Variants in LIF observed in about 807,000 individuals in gnomAD.
LIF encodes the protein leukemia inhibitory factor.
In LIF, 9 loss-of-function variants were observed where a neutral mutation model predicts 15.0. That is an observed-to-expected ratio of 0.60 (90% confidence interval 0.36 to 1.04). The LOEUF (loss-of-function observed/expected upper bound fraction) is 1.04, where lower values mean the gene tolerates loss of function less well. Ranked by LOEUF, LIF falls within the 50% of genes least tolerant of loss-of-function variation. LIF has a pLI of 0.01. For synonymous variants in LIF, 122 were observed against 119.7 expected (o/e 1.02, Z -0.13); for missense variants, 240 against 266.7 (o/e 0.90, Z 0.70).
Position 30,244,855 on chromosome 22 carries a change from G to A in LIF, c.98C>T (p.Thr33Ile), listed in dbSNP as rs1324087627. The A allele has an allele frequency of 1.9e-6, 3 of 1,614,214 alleles. No homozygotes were observed. Among genetic ancestry groups the A allele is most frequent in the Non-Finnish European group, 2.5e-6 (3 of 1,180,012 alleles). ...SPLPITPVNA[T>I]CAIRHPCHNN... is the part of the protein sequence containing the mutation. ...GTGACATGGGTGGCGTATGGCACAG[G>A]TGGCGTTGACAGGGGTGATGGGGAG... The change falls in exon 2 of 3, where the codon ACC becomes ATC. Residue 33 changes from threonine (T) to isoleucine (I), a missense_variant. Transcript: ENST00000249075.
rs1052911794 is a variant in LIF at position 30,243,836 on chromosome 22, C to T, written c.424G>A (p.Asp142Asn). ...SLHSKLNATA[D>N]ILRGLLSNVL... Reference sequence around the variant, plus strand: ...TTGCTAAGGAGGCCTCGCAGGATGTCGGCGGTGGCGTTGAGCTTGCTGTGG... The same window carrying T: ...TTGCTAAGGAGGCCTCGCAGGATGTTGGCGGTGGCGTTGAGCTTGCTGTGG... The change falls in exon 3 of 3, where the codon GAC becomes AAC. Residue 142 changes from aspartate (D) to asparagine (N), a missense_variant. Transcript: ENST00000249075. The surrounding 1 kb of genome is among the most constrained non-coding windows in gnomAD (Gnocchi z 6.0). The T allele has an allele frequency of 5.6e-6, 9 of 1,614,094 alleles. No homozygotes were observed. The highest frequency in any genetic ancestry group is 5.3e-5 in the African/African-American group (4 of 74,916).
intron 1 of LIF, among the ~76,000 whole-genome samples, chr22:30,245,330 A>G (rs1928842389): frequency 6.6e-6 from 1 of 150,800 alleles, no homozygotes; most frequent in Non-Finnish European, 1.5e-5. Context: ...GAGAAAGGAG[A>G]CCCCTCTCTT....
rs2123834304 is a variant in LIF at position 30,244,838 on chromosome 22, G to T, written c.115C>A (p.Pro39Thr). Residue 39 changes from proline to threonine, a missense_variant, in exon 2 of 3, where the codon CCA becomes ACA. Coordinates refer to ENST00000249075, the MANE Select transcript of LIF (RefSeq NM_002309.5). Reference sequence around the variant, plus strand: ...TGGTTCATGAGGTTGTTGTGACATGGGTGGCGTATGGCACAGGTGGCGTTG... The same window carrying T: ...TGGTTCATGAGGTTGTTGTGACATGTGTGGCGTATGGCACAGGTGGCGTTG... Reference protein sequence around the residue: ...PVNATCAIRHPCHNNLMNQIR... With the variant: ...PVNATCAIRHTCHNNLMNQIR... The T allele has an allele frequency of 6.2e-7, 1 of 1,614,136 alleles. No homozygotes were observed. The highest frequency in any genetic ancestry group is 2.2e-5 in the East Asian group (1 of 44,878).
At position 30,241,033 on chromosome 22, in the gene LIF, TG is replaced by T. The variant is rs1239015824; in HGVS notation, c.*2617del. On this transcript the variant is annotated 3_prime_UTR_variant, in exon 3 of 3. Transcript: ENST00000249075. This position sits in a 1 kb window ranked among gnomAD's most constrained non-coding sequence, Gnocchi z 4.4. The stretch of plus-strand genomic sequence containing the variant: ...CTCTTCCTCCGGCCAGGCCCAGGTG[TG>T]GTCCACACCAGCAGATAAAAAGGGA... The T allele has an allele frequency of 6.6e-6, 1 of 152,234 alleles. No individual in the cohort carries two copies. The highest frequency in any genetic ancestry group is 6.5e-5 in the Admixed American group (1 of 15,282). 9.4% of individuals were successfully genotyped at this position (152,234 alleles called of 1,614,324 possible). A position where few individuals can be genotyped will look rare whatever the true frequency, so the allele number is the denominator to read the frequency against.
chr22:30,243,492 C>T lies in LIF; in HGVS notation c.*159G>A. 1.2e-6 allele frequency: 1 copy of T among 811,548 alleles called. No homozygotes were observed. The highest frequency in any genetic ancestry group is 2.1e-6 in the Non-Finnish European group (1 of 487,450). The allele number at this position is 811,548 out of a possible 1,614,324, so 50.3% of individuals were successfully genotyped here. A position where few individuals can be genotyped will look rare whatever the true frequency, so the allele number is the denominator to read the frequency against. Reference sequence around the variant, plus strand: ...TCTGCTCAGCTTCATCACAGCCCAGCCCAGAGTGGAGTGGACTGGCCAGGC... The same window carrying T: ...TCTGCTCAGCTTCATCACAGCCCAGTCCAGAGTGGAGTGGACTGGCCAGGC... On this transcript the variant is annotated 3_prime_UTR_variant, in exon 3 of 3. Transcript: ENST00000249075. The surrounding 1 kb of genome is among the most constrained non-coding windows in gnomAD (Gnocchi z 6.0).
Position 30,243,475 on chromosome 22 carries a change from G to A in LIF, c.*176C>T. On this transcript the variant is annotated 3_prime_UTR_variant, in exon 3 of 3. Coordinates refer to ENST00000249075, the MANE Select transcript of LIF (RefSeq NM_002309.5). The surrounding 1 kb of genome is among the most constrained non-coding windows in gnomAD (Gnocchi z 6.0). ...CCTATGGAAGTTTCCACTCTGCTCA[G>A]CTTCATCACAGCCCAGCCCAGAGTG... 1 of 717,206 alleles carries A rather than the reference G, an allele frequency of 1.4e-6. No individual in the cohort carries two copies. Among genetic ancestry groups the A allele is most frequent in the South Asian group, 1.6e-5 (1 of 60,896 alleles). 44.4% of individuals were successfully genotyped at this position (717,206 alleles called of 1,614,324 possible). A position where few individuals can be genotyped will look rare whatever the true frequency, so the allele number is the denominator to read the frequency against.
chr22:30,245,062 A>C, intron 1 of LIF, 129 bp from the exon 2 acceptor site: 1 of 831,106 alleles, frequency 1.2e-6, no homozygotes, highest in South Asian at 1.4e-5. Context: ...CACCACCTGC[A>C]GCTGTCTTCC....
rs41281637 is a variant in LIF at position 30,244,004 on chromosome 22, C to T, written c.256G>A (p.Val86Met). The change falls in exon 3 of 3, where the codon GTG becomes ATG. Residue 86 changes from valine (V) to methionine (M), a missense_variant. By Grantham distance (21) the Val-to-Met change is conservative. Transcript: ENST00000249075. ...NNLDKLCGPN[V>M]TDFPPFHANG... The stretch of plus-strand genomic sequence containing the variant: ...GCGTGGAAGGGCGGGAAGTCCGTCA[C>T]GTTGGGGCCACATAGCTTGTCCAGG... 6.6e-3 allele frequency: 10,667 copies of T among 1,613,556 alleles called. 46 individuals are homozygous for T. The highest frequency in any genetic ancestry group is 0.013 in the Middle Eastern group (78 of 6,062).
At chr22:30,245,001 C>G in intron 1 of LIF, 68 bp from the exon 2 acceptor site, 4 of 1,502,162 alleles carry the variant, frequency 2.7e-6, no homozygotes, top group Non-Finnish European at 3.7e-6. Flanking sequence ...CATGGCACAC[C>G]GGATGGGGGT....
In LIF at chr22:30,246,748, TCA is replaced by T. The variant is rs780631044; in HGVS notation, c.-55_-54del. 6 of 1,545,078 alleles carry T rather than the reference TCA, an allele frequency of 3.9e-6. No individual in the cohort carries two copies. The South Asian group carries it at 6.0e-5, about 15-fold the overall frequency. On this transcript the variant is annotated 5_prime_UTR_variant, in exon 1 of 3. An upstream open reading frame in the 5' UTR loses its in-frame stop. Transcript: ENST00000249075. The stretch of plus-strand genomic sequence containing the variant: ...AGGAAACCTCAGATGCCGGCAGTTT[TCA>T]GAGGTTCATGCTCAAATGGGGAATT...
Position 30,242,916 on chromosome 22 carries a change from A to G in LIF, c.*735T>C, listed in dbSNP as rs1928727349. ...CCAGCCATCAGACCCTGGCCATCCC[A>G]GGCTGCAGGGAAGATCACGGGGAAG... On this transcript the variant is annotated 3_prime_UTR_variant, in exon 3 of 3. Transcript: ENST00000249075. 1 of 154,370 alleles carries G rather than the reference A, an allele frequency of 6.5e-6. No individual in the cohort carries two copies. Among genetic ancestry groups the G allele is most frequent in the African/African-American group, 2.4e-5 (1 of 41,436 alleles). 9.6% of individuals were successfully genotyped at this position (154,370 alleles called of 1,614,324 possible).
chr22:30,246,514 C>T (rs1928900968), intron 1 of LIF, 163 bp downstream of exon 1: 2 of 1,290,612 alleles, frequency 1.5e-6, no homozygotes, highest in Non-Finnish European at 2.0e-6. Context: ...TGTGCCCGCG[C>T]TCGCTCCGGG....
Position 30,243,429 on chromosome 22 carries a change from G to A in LIF, c.*222C>T, listed in dbSNP as rs1197901108. ...AGTCCACAATCTCCCAGAGGAAGGG[G>A]CACCTTCTTCTAGCTCCCTCCCTAT... On this transcript the variant is annotated 3_prime_UTR_variant, in exon 3 of 3. Transcript: ENST00000249075. This position sits in a 1 kb window ranked among gnomAD's most constrained non-coding sequence, Gnocchi z 6.0. 3.3e-6 allele frequency: 2 copies of A among 607,240 alleles called. No homozygotes were observed. The highest frequency in any genetic ancestry group is 5.8e-6 in the Non-Finnish European group (2 of 342,776). The allele number at this position is 607,240 out of a possible 1,614,324, so 37.6% of individuals were successfully genotyped here.
chr22:30,245,296 G>T (rs1928841474), intron 1 of LIF, among the ~76,000 whole-genome samples: 1 of 152,178 alleles, frequency 6.6e-6, no homozygotes. Flanking sequence ...GAAGGCACCA[G>T]GCCCCAGGCC....
chr22:30,244,558 TG>T (rs1928801321), intron 2 of LIF, among the ~76,000 whole-genome samples, 196 bp downstream of exon 2: 1 of 152,222 alleles, frequency 6.6e-6, no homozygotes, highest in African/African-American at 2.4e-5. Flanking sequence ...CCTTGCTAAC[TG>T]GGCACCCTGG....
At position 30,241,012 on chromosome 22, in the gene LIF, T is replaced by C. The variant is rs1367883534; in HGVS notation, c.*2639A>G. ...ACATCTCTCTTGGTAAACTCTCTCT[T>C]CCTCCGGCCAGGCCCAGGTGTGGTC... On this transcript the variant is annotated 3_prime_UTR_variant, in exon 3 of 3. Coordinates refer to ENST00000249075, the MANE Select transcript of LIF (RefSeq NM_002309.5). The surrounding 1 kb of genome is among the most constrained non-coding windows in gnomAD (Gnocchi z 4.4). 1 of 152,182 alleles carries C rather than the reference T, an allele frequency of 6.6e-6. No homozygotes were observed. Among genetic ancestry groups the C allele is most frequent in the East Asian group, 1.9e-4 (1 of 5,200 alleles). The allele number at this position is 152,182 out of a possible 1,614,324, so 9.4% of individuals were successfully genotyped here.
intron 1 of LIF, 107 bp downstream of exon 1, chr22:30,246,570 C>A: frequency 6.7e-7 from 1 of 1,486,932 alleles, no homozygotes; most frequent in Middle Eastern, 2.2e-4. Flanking sequence ...CCCAAGTGTT[C>A]GTGTGTCTGC....
intron 1 of LIF, chr22:30,246,174 C>A: frequency 6.3e-6 from 1 of 158,934 alleles, no homozygotes; most frequent in Non-Finnish European, 1.4e-5. Context: ...TCACCTAGCG[C>A]AGACCACACG....
rs990043075 is a variant in LIF at position 30,240,713 on chromosome 22, A to C, written c.*2938T>G. Reference sequence around the variant, plus strand: ...GCACGTGGGCGGGACTGAAGGCTGGATGCCGGGATTGAGGTGGGGAACTAG... The same window carrying C: ...GCACGTGGGCGGGACTGAAGGCTGGCTGCCGGGATTGAGGTGGGGAACTAG... On this transcript the variant is annotated 3_prime_UTR_variant, in exon 3 of 3. Transcript: ENST00000249075. 1.3e-5 allele frequency: 2 copies of C among 152,464 alleles called. No homozygotes were observed. The highest frequency in any genetic ancestry group is 2.9e-5 in the Non-Finnish European group (2 of 68,000). 9.4% of individuals were successfully genotyped at this position (152,464 alleles called of 1,614,324 possible).
Sources: gnomAD v4.1 joint callset for allele counts (sites outside exome capture counted in the v4.1 genomes callset) on GRCh38, gnomAD v4.1.1 for gene constraint, Gnocchi (gnomAD v3.1) non-coding constraint, MANE v1.5 for transcripts, NCBI Gene and HGNC (gene_info 2026-07-23, HGNC 2026-07-21) for gene names.